Variants in ABAT observed in about 807,000 individuals in gnomAD.
The protein encoded by ABAT is 4-aminobutyrate aminotransferase.
A neutral mutation model predicts 64.6 loss-of-function variants in ABAT; 45 were observed. The observed-to-expected ratio is 0.70, with a 90% CI of 0.55 to 0.89. ABAT has a LOEUF of 0.89. Among genes scored for constraint, ABAT ranks in the 40% least tolerant of loss-of-function variants. ABAT has a pLI of 0.00. For synonymous variants in ABAT, 297 were observed against 250.5 expected (o/e 1.19, Z -1.75); for missense variants, 633 against 658.4 (o/e 0.96, Z 0.42).
At chr16:8,722,260 G>A (rs886141202) in intron 1 of ABAT, among the ~76,000 whole-genome samples, 27 of 152,108 alleles carry the variant, frequency 1.8e-4, no homozygotes, top group Admixed American at 1.1e-3. Context: ...AGTTGCCTTC[G>A]TAGCAAATAA....
At chr16:8,739,730 A>G (rs961520816) in intron 2 of ABAT, among the ~76,000 whole-genome samples, 4 of 148,092 alleles carry the variant, frequency 2.7e-5, no homozygotes, top group African/African-American at 9.9e-5. Context: ...TTTTACAAGC[A>G]TGGAAATACA....
At chr16:8,769,748 G>A (rs771288322) in intron 11 of ABAT, among the ~76,000 whole-genome samples, 12 of 152,086 alleles carry the variant, frequency 7.9e-5, no homozygotes, top group Non-Finnish European at 1.3e-4. Context: ...CCTACCCCCC[G>A]TTTCCACGTC....
At chr16:8,766,879 G>T (rs2059961422) in intron 9 of ABAT, among the ~76,000 whole-genome samples, 1 of 152,074 alleles carries the variant, frequency 6.6e-6, no homozygotes, top group African/African-American at 2.4e-5. Flanking sequence ...TGAGGCAGGA[G>T]AATCGCTTGA....
intron 1 of ABAT, among the ~76,000 whole-genome samples, chr16:8,723,719 A>G (rs796736476): frequency 6.6e-6 from 1 of 150,948 alleles, no homozygotes; most frequent in African/African-American, 2.4e-5. Context: ...CCAATCTACA[A>G]ATCAGGAAAC....
At chr16:8,707,818 C>T (rs994148796) in intron 1 of ABAT, among the ~76,000 whole-genome samples, 21 of 152,090 alleles carry the variant, frequency 1.4e-4, no homozygotes, top group African/African-American at 5.1e-4. Flanking sequence ...AAACCTCCAG[C>T]CTTGGCCTCC....
intron 6 of ABAT, among the ~76,000 whole-genome samples, chr16:8,762,048 G>A (rs1567309169): frequency 6.6e-6 from 1 of 151,378 alleles, no homozygotes; most frequent in African/African-American, 2.4e-5. Flanking sequence ...ACCCAGGCTA[G>A]AGTGGAGTGG....
intron 1 of ABAT, among the ~76,000 whole-genome samples, chr16:8,733,321 G>A (rs1332299998): frequency 1.3e-5 from 2 of 151,102 alleles, no homozygotes; most frequent in Non-Finnish European, 1.5e-5. Context: ...GATGGCGGCC[G>A]GGCGGAGACG....
intron 1 of ABAT, among the ~76,000 whole-genome samples, chr16:8,679,435 C>T (rs1039575162): frequency 1.3e-5 from 2 of 151,214 alleles, no homozygotes; most frequent in African/African-American, 2.4e-5. Flanking sequence ...CTTCCACCCA[C>T]GTGATGACCT....
intron 10 of ABAT, 143 bp from the exon 11 acceptor site, chr16:8,768,682 T>C: frequency 3.5e-6 from 4 of 1,154,284 alleles, no homozygotes; most frequent in Non-Finnish European, 5.2e-6. Flanking sequence ...AATTAAACGA[T>C]AAAAAGAACT....
intron 1 of ABAT, among the ~76,000 whole-genome samples, chr16:8,704,089 C>T (rs1052028875): frequency 6.6e-6 from 1 of 152,176 alleles, no homozygotes; most frequent in African/African-American, 2.4e-5. Context: ...CGAGAAGTTT[C>T]CCTTTGTGTC....
intron 1 of ABAT, among the ~76,000 whole-genome samples, chr16:8,719,440 G>C (rs541401065): frequency 6.6e-6 from 1 of 152,268 alleles, no homozygotes; most frequent in East Asian, 1.9e-4. Context: ...GTGAAGCCCT[G>C]TCTGTTCATT....
chr16:8,733,771 G>C (rs2058830369), intron 1 of ABAT, among the ~76,000 whole-genome samples: 1 of 148,470 alleles, frequency 6.7e-6, no homozygotes, highest in Non-Finnish European at 1.5e-5. Flanking sequence ...GATGGCAGCA[G>C]TACAGTCCAG....
At chr16:8,766,953 G>C (rs892175795) in intron 9 of ABAT, among the ~76,000 whole-genome samples, 1 of 152,172 alleles carries the variant, frequency 6.6e-6, no homozygotes, top group African/African-American at 2.4e-5. Flanking sequence ...CCTGGCGACA[G>C]AGCAAGACTC....
At chr16:8,753,664 TG>T (rs1374250842) in intron 5 of ABAT, among the ~76,000 whole-genome samples, 1 of 152,216 alleles carries the variant, frequency 6.6e-6, no homozygotes, top group Non-Finnish European at 1.5e-5. Flanking sequence ...TAAAGACCTT[TG>T]GCCCCGAAAC....
intron 1 of ABAT, among the ~76,000 whole-genome samples, chr16:8,700,241 C>G (rs2057790712): frequency 2.0e-5 from 3 of 152,106 alleles, no homozygotes; most frequent in Admixed American, 2.0e-4. Flanking sequence ...TGGAGAAGAG[C>G]CATTAACTAA....
At chr16:8,760,506 G>C (rs2059764555) in intron 6 of ABAT, 1 of 152,246 alleles carries the variant, frequency 6.6e-6, no homozygotes, top group African/African-American at 2.4e-5. Context: ...GGAGGGGCCA[G>C]GGGACACTCT....
intron 1 of ABAT, among the ~76,000 whole-genome samples, chr16:8,706,239 AT>A (rs35176944): frequency 3.7e-4 from 41 of 112,092 alleles, no homozygotes; most frequent in African/African-American, 8.2e-4. Flanking sequence ...ATAAAAAAAA[AT>A]ATATATATAT....
intron 1 of ABAT, among the ~76,000 whole-genome samples, chr16:8,709,867 G>A (rs2058030615): frequency 1.3e-5 from 2 of 150,568 alleles, no homozygotes; most frequent in Admixed American, 1.3e-4. Flanking sequence ...TGTCACCCAG[G>A]CTGGAGTACA....
At chr16:8,720,840 G>A (rs561176159) in intron 1 of ABAT, 4 of 152,280 alleles carry the variant, frequency 2.6e-5, no homozygotes, top group Admixed American at 6.5e-5. Context: ...GAGAGGCAGG[G>A]TCTTTTCTAG....
Sources: allele counts gnomAD v4.1 joint callset (sites outside exome capture counted in the v4.1 genomes callset), GRCh38; gene constraint gnomAD v4.1.1; transcripts MANE v1.5; gene names NCBI Gene and HGNC (gene_info 2026-07-23, HGNC 2026-07-21).